LRFN5: variants seen among roughly 807,000 people sequenced by gnomAD.
LRFN5 encodes the protein leucine rich repeat and fibronectin type III domain containing 5.
In LRFN5, 24 loss-of-function variants were observed where a neutral mutation model predicts 45.6. The observed-to-expected ratio is 0.53, with a 90% CI of 0.38 to 0.74. LRFN5 has a LOEUF of 0.74. Among genes scored for constraint, LRFN5 ranks in the 30% least tolerant of loss-of-function variants. LRFN5 has a pLI of 0.00. For synonymous variants in LRFN5, 340 were observed against 313.8 expected, an observed-to-expected ratio of 1.08 and a Z score of -0.88; for missense variants, 776 against 861.5, an observed-to-expected ratio of 0.90 and a Z score of 1.24.
intron 4 of LRFN5, chr14:41,894,803 T>C (rs1890887438): frequency 2.0e-6 from 2 of 981,590 alleles, no homozygotes; most frequent in African/African-American, 1.8e-5. Flanking sequence ...CAATACAGAT[T>C]TGTTATCTAA....
intron 1 of LRFN5, among the ~76,000 whole-genome samples, chr14:41,710,944 CT>C (rs1277764409): frequency 1.3e-5 from 2 of 152,186 alleles, no homozygotes; most frequent in Middle Eastern, 3.4e-3. Context: ...ATGAACTCAT[CT>C]TTTTTTATGG....
At chr14:41,626,824 G>A (rs181768356) in intron 1 of LRFN5, among the ~76,000 whole-genome samples, 170 of 152,092 alleles carry the variant, frequency 1.1e-3, no homozygotes, top group African/African-American at 3.7e-3. Context: ...AAGGTTAATA[G>A]GTTCTGCTAA....
intron 3 of LRFN5, among the ~76,000 whole-genome samples, chr14:41,889,042 C>T (rs976399570): frequency 3.4e-5 from 5 of 145,018 alleles, no homozygotes; most frequent in African/African-American, 1.0e-4. Flanking sequence ...TGTATATATA[C>T]ATGTGTGTAT....
chr14:41,889,268 A>C (rs1890698398), intron 3 of LRFN5, among the ~76,000 whole-genome samples: 1 of 151,874 alleles, frequency 6.6e-6, no homozygotes, highest in Non-Finnish European at 1.5e-5. Context: ...GGCAAAATTA[A>C]ACCTATCCTA....
chr14:41,766,590 CTTAAGA>C (rs1464963412), intron 1 of LRFN5, among the ~76,000 whole-genome samples: 3 of 152,192 alleles, frequency 2.0e-5, no homozygotes, highest in South Asian at 4.1e-4. Flanking sequence ...AACTATACAG[CTTAAGA>C]TTATTTAAAT....
At chr14:41,734,338 A>ATATATATATATATATATATATATATATC in intron 1 of LRFN5, among the ~76,000 whole-genome samples, 1 of 108,332 alleles carries the variant, frequency 9.2e-6, no homozygotes, top group Non-Finnish European at 2.0e-5. Flanking sequence ...ATATATATAT[A>ATATATATATATATATATATATATATATC]TATATATTTA....
At position 41,904,396 on chromosome 14, in the gene LRFN5, C is replaced by G. The variant is rs544393856; in HGVS notation, c.*221C>G. On this transcript the variant is annotated 3_prime_UTR_variant, in exon 6 of 6. Coordinates refer to ENST00000298119, the MANE Select transcript of LRFN5 (RefSeq NM_152447.5). The stretch of plus-strand genomic sequence containing the variant: ...AAACCAAATTTTTTTTTCTTCTGGC[C>G]TACAAGTATTTTTTTTTTAAAAAAG... The G allele has an allele frequency of 8.6e-6, 4 of 464,372 alleles. No individual in the cohort carries two copies. Among genetic ancestry groups the G allele is most frequent in the South Asian group, 9.6e-5 (2 of 20,830 alleles). The allele number at this position is 464,372 out of a possible 1,614,324, so 28.8% of individuals were successfully genotyped here.
chr14:41,725,101 T>C (rs1302810856), intron 1 of LRFN5, among the ~76,000 whole-genome samples: 1 of 152,188 alleles, frequency 6.6e-6, no homozygotes, highest in African/African-American at 2.4e-5. Flanking sequence ...GTACTAGAAA[T>C]TGAGTTATTG....
chr14:41,740,737 C>T (rs1487223636), intron 1 of LRFN5, among the ~76,000 whole-genome samples: 1 of 151,574 alleles, frequency 6.6e-6, no homozygotes, highest in Non-Finnish European at 1.5e-5. Flanking sequence ...TAAAAGGCCT[C>T]CATAAAGGAA....
At chr14:41,892,166 G>A in intron 4 of LRFN5, 5 of 985,288 alleles carry the variant, frequency 5.1e-6, no homozygotes, top group Non-Finnish European at 6.0e-6. Context: ...CAAATTCTGA[G>A]GGACTACTGG....
intron 1 of LRFN5, among the ~76,000 whole-genome samples, chr14:41,682,865 A>G (rs571097515): frequency 5.9e-5 from 9 of 152,244 alleles, no homozygotes; most frequent in East Asian, 5.8e-4. Context: ...TCACTAATCA[A>G]TTTTCCCAGA....
intron 2 of LRFN5, among the ~76,000 whole-genome samples, chr14:41,773,933 A>G (rs1176390376): frequency 2.0e-5 from 3 of 152,222 alleles, no homozygotes; most frequent in Non-Finnish European, 2.9e-5. Flanking sequence ...TACAACAGCT[A>G]CAAATGTCTT....
chr14:41,749,434 T>TA (rs1178510382), intron 1 of LRFN5, among the ~76,000 whole-genome samples: 4 of 152,092 alleles, frequency 2.6e-5, no homozygotes, highest in South Asian at 4.1e-4. Context: ...ATAGATTCCA[T>TA]AAAAAATGTG....
chr14:41,800,549 G>T (rs1040221042), intron 2 of LRFN5, among the ~76,000 whole-genome samples: 2 of 151,412 alleles, frequency 1.3e-5, no homozygotes, highest in Non-Finnish European at 2.9e-5. Flanking sequence ...TACATTATTA[G>T]ACAGTAGAGA....
intron 2 of LRFN5, among the ~76,000 whole-genome samples, chr14:41,847,688 G>A (rs972515042): frequency 2.0e-5 from 3 of 151,830 alleles, no homozygotes; most frequent in African/African-American, 7.3e-5. Flanking sequence ...TCCAGAGTTA[G>A]TAATTGGTGG....
rs1474646623 is a variant in LRFN5, at chr14:41,775,092, TC to T, written c.-21+8064del. The stretch of plus-strand genomic sequence containing the variant: ...AAGATTTGATGCTACTTTTTCTTTT[TC>T]TTTTTTTTTTTTTTTGAGACGGAGT... On this transcript the variant is annotated intron_variant, in intron 2 of 5. Coordinates refer to ENST00000298119, the MANE Select transcript of LRFN5 (RefSeq NM_152447.5). Among the ~76,000 whole-genome samples, 9 of 94,636 alleles carry T rather than the reference TC, an allele frequency of 9.5e-5. No homozygotes were observed. The East Asian group carries it at 3.6e-3, about 38-fold the overall frequency. 62.1% of individuals were successfully genotyped at this position (94,636 alleles called of 152,430 possible).
intron 1 of LRFN5, among the ~76,000 whole-genome samples, chr14:41,616,033 ATGAATC>A (rs1887916103): frequency 6.6e-6 from 1 of 152,186 alleles, no homozygotes; most frequent in African/African-American, 2.4e-5. Flanking sequence ...ATTTGCTATT[ATGAATC>A]TTGACACTTT....
chr14:41,782,649 C>T (rs187785769), intron 2 of LRFN5, among the ~76,000 whole-genome samples: 70 of 152,224 alleles, frequency 4.6e-4, no homozygotes, highest in Middle Eastern at 3.4e-3. Flanking sequence ...TAGGCCTTTA[C>T]TTTGAGGATT....
intron 3 of LRFN5, among the ~76,000 whole-genome samples, chr14:41,889,946 C>T (rs111243064): frequency 6.0e-4 from 91 of 152,258 alleles, no homozygotes; most frequent in African/African-American, 2.1e-3. Context: ...TCACTGCAAC[C>T]TCTGCCTCCT....
Sources: allele counts gnomAD v4.1 joint callset (sites outside exome capture counted in the v4.1 genomes callset), GRCh38; gene constraint gnomAD v4.1.1; transcripts MANE v1.5; gene names NCBI Gene and HGNC (gene_info 2026-07-23, HGNC 2026-07-21).